Variants in KCNK12 observed in about 807,000 individuals in gnomAD.
KCNK12 encodes the protein potassium channel subfamily K member 12.
KCNK12 carries 6 observed loss-of-function variants against 25.3 expected under a neutral mutation model. The observed-to-expected ratio is 0.24, with a 90% confidence interval of 0.13 to 0.47. KCNK12 has a LOEUF of 0.47. KCNK12 is among the 20% of genes least tolerant of loss of function. KCNK12 has a pLI of 0.99. For missense variants in KCNK12, 444 were observed against 661.7 expected (o/e 0.67, Z 3.61); for synonymous variants, 331 against 311.1 (o/e 1.06, Z -0.67).
intron 1 of KCNK12, among the ~76,000 whole-genome samples, chr2:47,532,597 T>C (rs947814451): frequency 6.6e-5 from 10 of 152,228 alleles, no homozygotes; most frequent in African/African-American, 2.4e-4. Context: ...TTCTATTCTT[T>C]GTTTAACGTG....
rs1202919097 is a variant in KCNK12 at position 47,533,171 on chromosome 2, T to G, written c.392-11363A>C. On this transcript the variant is annotated intron_variant, in intron 1 of 1. Coordinates refer to ENST00000327876, the MANE Select transcript of KCNK12 (RefSeq NM_022055.2). This position sits in a 1 kb window ranked among gnomAD's most constrained non-coding sequence, Gnocchi z 4.7. ...GACTACAGGTGCGTGCCACCACATCTGGCTAATTTTTGTATTTTTAGTAGA... is the reference window on the plus strand; with the variant it reads ...GACTACAGGTGCGTGCCACCACATCGGGCTAATTTTTGTATTTTTAGTAGA... Among the ~76,000 whole-genome samples, 1 of 151,832 alleles carries G rather than the reference T, an allele frequency of 6.6e-6. No individual in the cohort carries two copies. Among genetic ancestry groups the G allele is most frequent in the African/African-American group, 2.4e-5 (1 of 41,290 alleles).
Position 47,514,385 on chromosome 2 carries a change from C to T in KCNK12, c.*6522G>A, listed in dbSNP as rs1259461641. The stretch of plus-strand genomic sequence containing the variant: ...GCCTGGAGTCCAGGGACATCAAGGG[C>T]GGTCCTGTCTTTCTCACCCTTGTCT... On this transcript the variant is annotated 3_prime_UTR_variant, in exon 2 of 2. Coordinates refer to ENST00000327876, the MANE Select transcript of KCNK12 (RefSeq NM_022055.2). The surrounding 1 kb of genome is among the most constrained non-coding windows in gnomAD (Gnocchi z 5.0). Among the ~76,000 whole-genome samples, 3 of 152,194 alleles carry T rather than the reference C, an allele frequency of 2.0e-5. No homozygotes were observed. The highest frequency in any genetic ancestry group is 1.9e-4 in the East Asian group (1 of 5,172).
rs1033890260 is a variant in KCNK12, at chr2:47,533,404, A to G, written c.392-11596T>C. Among the ~76,000 whole-genome samples the G allele has an allele frequency of 2.6e-5, 4 of 152,332 alleles. No homozygotes were observed. The highest frequency in any genetic ancestry group is 1.9e-4 in the East Asian group (1 of 5,182). ...TGCCCGGGACATAGTAAGCTCCCCAAAAGCACCAAGCTTAGCTGGGAAGCA... is the reference window on the plus strand; with the variant it reads ...TGCCCGGGACATAGTAAGCTCCCCAGAAGCACCAAGCTTAGCTGGGAAGCA... On this transcript the variant is annotated intron_variant, in intron 1 of 1. Coordinates refer to ENST00000327876, the MANE Select transcript of KCNK12 (RefSeq NM_022055.2). This position sits in a 1 kb window ranked among gnomAD's most constrained non-coding sequence, Gnocchi z 4.7.
In KCNK12 at chr2:47,562,031, T is replaced by C. The variant is rs545465592; in HGVS notation, c.391+7910A>G. 7.5e-6 allele frequency: 3 copies of C among 398,606 alleles called. No homozygotes were observed. In the East Asian group the frequency reaches 1.1e-4, roughly 14 times the overall value. 24.7% of individuals were successfully genotyped at this position (398,606 alleles called of 1,614,324 possible). On this transcript the variant is annotated intron_variant, in intron 1 of 1. Transcript: ENST00000327876. The surrounding 1 kb of genome is among the most constrained non-coding windows in gnomAD (Gnocchi z 4.8). ...TGCCTAAAGCCACGCAGCCAGTTAGTGGCAGAGCCAGGTCTAGACTCCTAG... is the reference window on the plus strand; with the variant it reads ...TGCCTAAAGCCACGCAGCCAGTTAGCGGCAGAGCCAGGTCTAGACTCCTAG...
rs918045928 is a variant in KCNK12 at position 47,528,707 on chromosome 2, T to C, written c.392-6899A>G. On this transcript the variant is annotated intron_variant, in intron 1 of 1. Coordinates refer to ENST00000327876, the MANE Select transcript of KCNK12 (RefSeq NM_022055.2). The surrounding 1 kb of genome is among the most constrained non-coding windows in gnomAD (Gnocchi z 4.5). ...ATCCCAGTTTGCAAAGAGCAGACAC[T>C]TGGGGGCTTTATTATGCCACTTTGA... Among the ~76,000 whole-genome samples the C allele has an allele frequency of 1.3e-5, 2 of 152,244 alleles. No homozygotes were observed. The highest frequency in any genetic ancestry group is 4.8e-5 in the African/African-American group (2 of 41,458).
intron 1 of KCNK12, among the ~76,000 whole-genome samples, chr2:47,552,102 A>G (rs777340518): frequency 1.8e-4 from 28 of 152,370 alleles, no homozygotes; most frequent in Admixed American, 9.1e-4. Flanking sequence ...TTTAGCCACA[A>G]ACAGCTATAA....
In KCNK12 at chr2:47,541,427, A is replaced by G. The variant is rs181058693; in HGVS notation, c.392-19619T>C. On this transcript the variant is annotated intron_variant, in intron 1 of 1. Coordinates refer to ENST00000327876, the MANE Select transcript of KCNK12 (RefSeq NM_022055.2). The stretch of plus-strand genomic sequence containing the variant: ...CCAAATATATGAAATATCTTTCTCT[A>G]AGGTGGTCTTTAAAATTTGGGCTGA... Among the ~76,000 whole-genome samples the G allele has an allele frequency of 1.6e-3, 244 of 152,218 alleles. 1 individual carries two copies. The Middle Eastern group carries it at 0.044, about 28-fold the overall frequency.
Position 47,529,953 on chromosome 2 carries a change from CTT to C in KCNK12, c.392-8147_392-8146del, listed in dbSNP as rs977074231. ...ATTCAAATTTCACTGGGCATGCTGT[CTT>C]TTTATTTCCTAAACCTGGCAACCCT... is the stretch of plus-strand genomic sequence containing the variant. On this transcript the variant is annotated intron_variant, in intron 1 of 1. Transcript: ENST00000327876. The surrounding 1 kb of genome is among the most constrained non-coding windows in gnomAD (Gnocchi z 4.3). 1.3e-5 allele frequency among the ~76,000 whole-genome samples: 2 copies of C among 152,186 alleles called. No homozygotes were observed. Among genetic ancestry groups the C allele is most frequent in the Admixed American group, 1.3e-4 (2 of 15,286 alleles).
At chr2:47,559,193 C>G (rs960869104) in intron 1 of KCNK12, among the ~76,000 whole-genome samples, 67 of 152,188 alleles carry the variant, frequency 4.4e-4, no homozygotes, top group African/African-American at 1.6e-3. Context: ...ACTCAGAGAG[C>G]CATGGAAACG....
chr2:47,544,071 A>T (rs909871140), intron 1 of KCNK12, among the ~76,000 whole-genome samples: 1 of 152,148 alleles, frequency 6.6e-6, no homozygotes, highest in African/African-American at 2.4e-5. Context: ...CCAACCACCC[A>T]TGTCTCCTCT....
chr2:47,564,520 C>T (rs908939679), intron 1 of KCNK12: 9 of 211,512 alleles, frequency 4.3e-5, no homozygotes, highest in East Asian at 2.1e-4. Flanking sequence ...AATTAGACTA[C>T]GTGAAAACAC....
At chr2:47,539,202 A>G (rs1392749942) in intron 1 of KCNK12, among the ~76,000 whole-genome samples, 3 of 152,138 alleles carry the variant, frequency 2.0e-5, no homozygotes, top group African/African-American at 2.4e-5. Flanking sequence ...CATGACACCA[A>G]TCTTCCTCAA....
rs1386013549 is a variant in KCNK12 at position 47,569,453 on chromosome 2, C to G, written c.391+488G>C. 1.3e-5 allele frequency among the ~76,000 whole-genome samples: 2 copies of G among 151,454 alleles called. No individual in the cohort carries two copies. The highest frequency in any genetic ancestry group is 4.9e-5 in the African/African-American group (2 of 41,194). ...TGATCCTGGGGCAAGTGGTCACCCT[C>G]TCCAGGGTAAAGGAGTTAGAGGCCA... On this transcript the variant is annotated intron_variant, in intron 1 of 1. Coordinates refer to ENST00000327876, the MANE Select transcript of KCNK12 (RefSeq NM_022055.2). This position sits in a 1 kb window ranked among gnomAD's most constrained non-coding sequence, Gnocchi z 4.1.
At chr2:47,521,879 T>TGGGGG in intron 1 of KCNK12, 71 bp from the exon 2 acceptor site, 1 of 327,720 alleles carries the variant, frequency 3.1e-6, no homozygotes, top group Non-Finnish European at 4.8e-6. Flanking sequence ...GGGTGGGGGG[T>TGGGGG]GTGGGGGCGG....
In KCNK12 at chr2:47,525,534, GCAGGGGAGGAAGAGGGCAGTCC is replaced by G. The variant is rs1356562608; in HGVS notation, c.392-3748_392-3727del. On this transcript the variant is annotated intron_variant, in intron 1 of 1. Transcript: ENST00000327876. This position sits in a 1 kb window ranked among gnomAD's most constrained non-coding sequence, Gnocchi z 4.1. The stretch of plus-strand genomic sequence containing the variant: ...AGGCTGACTGGGGCAGCCCCCACAG[GCAGGGGAGGAAGAGGGCAGTCC>G]CAGGGGCCATCTGTACTTCAAGGGC... Among the ~76,000 whole-genome samples the G allele has an allele frequency of 5.3e-5, 8 of 152,336 alleles. No homozygotes were observed. In the South Asian group the frequency reaches 1.5e-3, roughly 28 times the overall value.
At chr2:47,558,545 G>C (rs956926911) in intron 1 of KCNK12, among the ~76,000 whole-genome samples, 1 of 152,212 alleles carries the variant, frequency 6.6e-6, no homozygotes, top group Non-Finnish European at 1.5e-5. Flanking sequence ...GCAGAGGCCC[G>C]TGCCTACCTT....
intron 1 of KCNK12, among the ~76,000 whole-genome samples, chr2:47,567,412 G>A (rs1669805894): frequency 1.3e-5 from 2 of 152,162 alleles, no homozygotes; most frequent in South Asian, 4.1e-4. Flanking sequence ...GAAGATTCAG[G>A]CCATTTAAGA....
At chr2:47,550,543 C>T (rs1032625824) in intron 1 of KCNK12, among the ~76,000 whole-genome samples, 10 of 151,690 alleles carry the variant, frequency 6.6e-5, no homozygotes, top group African/African-American at 1.5e-4. Flanking sequence ...CCACCATGCC[C>T]GGCTAATTTT....
At chr2:47,559,107 G>C (rs769537140) in intron 1 of KCNK12, among the ~76,000 whole-genome samples, 1 of 152,202 alleles carries the variant, frequency 6.6e-6, no homozygotes, top group East Asian at 1.9e-4. Flanking sequence ...TGCTTTCTGA[G>C]GGTAACAAGG....
Sources: allele counts gnomAD v4.1 joint callset (sites outside exome capture counted in the v4.1 genomes callset), GRCh38; gene constraint gnomAD v4.1.1; non-coding constraint Gnocchi (gnomAD v3.1); transcripts MANE v1.5; gene names NCBI Gene and HGNC (gene_info 2026-07-23, HGNC 2026-07-21).